NFX1: variants seen among roughly 807,000 people sequenced by gnomAD.
The protein encoded by NFX1 is transcriptional repressor NF-X1.
Under a neutral mutation model 137.2 loss-of-function variants are expected in NFX1, and 69 were observed. The ratio of observed to expected loss-of-function variants is 0.50; its 90% confidence interval spans 0.41 to 0.61. The LOEUF (loss-of-function observed/expected upper bound fraction) is 0.61. NFX1 is among the 20% of genes least tolerant of loss of function. The probability of loss-of-function intolerance (pLI) is 0.00; values close to 1 mark genes in which losing one functional copy is unlikely to be tolerated. For synonymous variants in NFX1, 495 were observed against 474.1 expected (o/e 1.04, Z -0.57); for missense variants, 1,167 against 1,391.0 (o/e 0.84, Z 2.56).
At chr9:33,304,475 C>A (rs1821683926) in intron 4 of NFX1, among the ~76,000 whole-genome samples, 2 of 152,118 alleles carry the variant, frequency 1.3e-5, no homozygotes, top group South Asian at 4.1e-4. Context: ...TTCTCCTTTC[C>A]CATTACTTAG....
chr9:33,338,617 A>G (rs1279593052), intron 12 of NFX1, 28 bp downstream of exon 12: 1 of 1,549,190 alleles, frequency 6.5e-7, no homozygotes, highest in Non-Finnish European at 8.7e-7. Flanking sequence ...GCATAATCAG[A>G]TTCCATTCAT....
chr9:33,352,888 A>C, intron 17 of NFX1, 169 bp downstream of exon 17: 2 of 579,578 alleles, frequency 3.5e-6, no homozygotes, highest in Non-Finnish European at 6.1e-6. Context: ...TGTGTTTATC[A>C]TAGTATCCTT....
Position 33,344,171 on chromosome 9 carries a change from A to G in NFX1, c.2327A>G (p.His776Arg). The change falls in exon 14 of 24, where the codon CAT becomes CGT. Residue 776 changes from histidine (H) to arginine (R), a missense_variant. Physicochemically the swap from His to Arg is conservative, Grantham distance 29. Coordinates refer to ENST00000379540, the MANE Select transcript of NFX1 (RefSeq NM_002504.6). Reference protein sequence around the residue: ...PECTQTCARVHECDHPVYHSC... With the variant: ...PECTQTCARVRECDHPVYHSC... ...TGTACCCAAACCTGCGCTAGAGTCC[A>G]TGAGTGTGACCATCCAGGTGAGTAC... 1.9e-6 allele frequency: 3 copies of G among 1,614,020 alleles called. No homozygotes were observed. Among genetic ancestry groups the G allele is most frequent in the East Asian group, 2.2e-5 (1 of 44,870 alleles).
intron 10 of NFX1, among the ~76,000 whole-genome samples, chr9:33,329,666 T>G (rs1822729224): frequency 6.6e-6 from 1 of 151,780 alleles, no homozygotes; most frequent in Non-Finnish European, 1.5e-5. Context: ...TTAATTTTAT[T>G]TATTTATTTT....
At chr9:33,360,747 A>C (rs1479701025) in intron 19 of NFX1, among the ~76,000 whole-genome samples, 1 of 152,204 alleles carries the variant, frequency 6.6e-6, no homozygotes, top group Admixed American at 6.5e-5. Context: ...TTTAAATTTG[A>C]ATTAGTGGCC....
intron 19 of NFX1, among the ~76,000 whole-genome samples, chr9:33,362,708 T>G (rs1265131938): frequency 4.2e-5 from 6 of 143,892 alleles, no homozygotes; most frequent in Non-Finnish European, 9.1e-5. Flanking sequence ...TTTTTTTTTT[T>G]TTTTTTTTTT....
chr9:33,325,207 A>C (rs1017163696), intron 9 of NFX1, among the ~76,000 whole-genome samples: 1 of 152,220 alleles, frequency 6.6e-6, no homozygotes, highest in Non-Finnish European at 1.5e-5. Flanking sequence ...AAAAATGCTA[A>C]AAGTTAATGA....
intron 23 of NFX1, among the ~76,000 whole-genome samples, chr9:33,368,016 T>C (rs1824220000): frequency 6.6e-6 from 1 of 152,132 alleles, no homozygotes; most frequent in Non-Finnish European, 1.5e-5. Context: ...GGTGGATCAC[T>C]TAAGGTCAGG....
chr9:33,291,774 G>A (rs1821170601), intron 1 of NFX1, among the ~76,000 whole-genome samples: 1 of 152,100 alleles, frequency 6.6e-6, no homozygotes, highest in East Asian at 1.9e-4. Flanking sequence ...ATGGTGGCAC[G>A]CGCCTGTAGT....
chr9:33,305,070 A>G (rs1564105963), intron 4 of NFX1, among the ~76,000 whole-genome samples: 2 of 152,260 alleles, frequency 1.3e-5, no homozygotes, highest in South Asian at 2.1e-4. Context: ...CCAGGGGACC[A>G]TTAATTTAAC....
intron 21 of NFX1, 149 bp downstream of exon 21, chr9:33,364,923 C>T: frequency 2.1e-6 from 3 of 1,463,264 alleles, no homozygotes; most frequent in South Asian, 2.8e-5. Flanking sequence ...TCTCAAAACA[C>T]AGCCATTATA....
At position 33,319,045 on chromosome 9, in the gene NFX1, AAGT is replaced by A; in HGVS notation, c.1831_1833del (p.Ser611del). 6.2e-7 allele frequency: 1 copy of A among 1,614,208 alleles called. No individual in the cohort carries two copies. Among genetic ancestry groups the A allele is most frequent in the Non-Finnish European group, 8.5e-7 (1 of 1,180,036 alleles). ...CTCTCAGCCAATTGCTAGAACTTGGAAGTAGTAGTCGGAAAACATGCATGGACC... is the reference window on the plus strand; with the variant it reads ...CTCTCAGCCAATTGCTAGAACTTGGAAGTAGTCGGAAAACATGCATGGACC... On this transcript the variant is annotated inframe_deletion, in exon 9 of 24. Transcript: ENST00000379540.
At chr9:33,319,188 G>A (rs538522998) in intron 9 of NFX1, 61 bp downstream of exon 9, 2 of 1,426,776 alleles carry the variant, frequency 1.4e-6, no homozygotes, top group East Asian at 2.3e-5. Context: ...GCAGCAGTGA[G>A]TGTTTAAGCA....
At chr9:33,353,773 G>A (rs960328422) in intron 17 of NFX1, among the ~76,000 whole-genome samples, 6 of 141,352 alleles carry the variant, frequency 4.2e-5, no homozygotes, top group Non-Finnish European at 9.0e-5. Flanking sequence ...ACTGCAACCT[G>A]CACCTCCCAG....
Position 33,364,057 on chromosome 9 carries a change from A to G in NFX1, c.2921A>G (p.Asn974Ser), listed in dbSNP as rs780083768. ...FHISEDSDPF[N>S]IRSSGSKFSD... ...ATCAGTGAGGATTCTGATCCTTTCA[A>G]TATACGTTCTTCAGGGTCAAAATTC... The change falls in exon 20 of 24, where the codon AAT (asparagine) becomes AGT (serine). Residue 974 changes from asparagine (N) to serine (S), a missense_variant. By Grantham distance (46) the Asn-to-Ser change is conservative (BLOSUM62 1). Transcript: ENST00000379540. 1.9e-6 allele frequency: 3 copies of G among 1,607,034 alleles called. No homozygotes were observed. Among genetic ancestry groups the G allele is most frequent in the East Asian group, 2.3e-5 (1 of 44,442 alleles).
chr9:33,298,770 T>C (rs1182799780), intron 2 of NFX1, among the ~76,000 whole-genome samples: 1 of 151,688 alleles, frequency 6.6e-6, no homozygotes, highest in African/African-American at 2.4e-5. Context: ...GGTGACAGAA[T>C]AAGAACCTGT....
rs529792975 is a variant in NFX1, at chr9:33,334,017, C to T, written c.2035+1515C>T. On this transcript the variant is annotated intron_variant, in intron 11 of 23. Transcript: ENST00000379540. ...AAAATTAGCCAAGTACAGTGGCGCA[C>T]CCCTGTAATCCCAGCTACTCAGGAG... Among the ~76,000 whole-genome samples the T allele has an allele frequency of 3.3e-4, 50 of 152,154 alleles. 2 individuals are homozygous for T. In the South Asian group the frequency reaches 9.3e-3, roughly 28 times the overall value.
At chr9:33,304,645 T>C (rs1821689609) in intron 4 of NFX1, among the ~76,000 whole-genome samples, 1 of 152,210 alleles carries the variant, frequency 6.6e-6, no homozygotes, top group Admixed American at 6.5e-5. Flanking sequence ...AAAGGAAGCT[T>C]TCCTTTGTTA....
intron 9 of NFX1, among the ~76,000 whole-genome samples, chr9:33,323,881 G>C (rs1260784058): frequency 6.6e-6 from 1 of 152,290 alleles, no homozygotes; most frequent in South Asian, 2.1e-4. Flanking sequence ...TTGATAAAGA[G>C]ATAGAAACTA....
Sources: allele counts gnomAD v4.1 joint callset (sites outside exome capture counted in the v4.1 genomes callset), GRCh38; gene constraint gnomAD v4.1.1; transcripts MANE v1.5; gene names NCBI Gene and HGNC (gene_info 2026-07-23, HGNC 2026-07-21).